Variants in PCDH11X observed in about 807,000 individuals in gnomAD.
The protein encoded by PCDH11X is protocadherin-11 X-linked.
A neutral mutation model predicts 53.3 loss-of-function variants in PCDH11X; 18 were observed. The ratio of observed to expected loss-of-function variants is 0.34; its 90% CI spans 0.23 to 0.50. The LOEUF (loss-of-function observed/expected upper bound fraction) is 0.50. Among genes scored for constraint, PCDH11X ranks in the 20% least tolerant of loss-of-function variants. The probability of loss-of-function intolerance (pLI) is 0.98; values close to 1 mark genes in which losing one functional copy is unlikely to be tolerated. For missense variants in PCDH11X, 570 were observed against 1,032.4 expected (o/e 0.55, Z 6.14); for synonymous variants, 279 against 393.3 (o/e 0.71, Z 3.44).
intron 6 of PCDH11X, among the ~76,000 whole-genome samples, chrX:91,907,403 A>ACACACC (rs1556332901): frequency 1.8e-4 from 13 of 71,719 alleles, no homozygotes; most frequent in South Asian, 8.5e-4. Flanking sequence ...ACACACACAC[A>ACACACC]CACACACACA....
At chrX:92,235,142 TAAAA>T (rs1386583766) in intron 7 of PCDH11X, among the ~76,000 whole-genome samples, 3 of 107,785 alleles carry the variant, frequency 2.8e-5, no homozygotes, top group East Asian at 3.0e-4. Context: ...ACGAATATGA[TAAAA>T]AAGAAAGAGA....
intron 6 of PCDH11X, among the ~76,000 whole-genome samples, chrX:92,102,138 G>A (rs930924475): frequency 3.6e-5 from 4 of 111,128 alleles, no homozygotes; most frequent in Non-Finnish European, 3.8e-5. Flanking sequence ...TTGAAGTCCC[G>A]GCCAGGAACA....
At chrX:92,307,463 A>G (rs1481077192) in intron 8 of PCDH11X, among the ~76,000 whole-genome samples, 1 of 102,047 alleles carries the variant, frequency 9.8e-6, no homozygotes, top group Non-Finnish European at 2.0e-5. Context: ...TCAACATAAT[A>G]AAAACTACAT....
intron 9 of PCDH11X, among the ~76,000 whole-genome samples, chrX:92,453,416 A>T (rs1012280723): frequency 1.8e-5 from 2 of 111,508 alleles, no homozygotes; most frequent in Non-Finnish European, 3.8e-5. Context: ...AACTACATTA[A>T]GTCTGTGAAG....
intron 9 of PCDH11X, among the ~76,000 whole-genome samples, chrX:92,441,622 A>T: frequency 9.0e-6 from 1 of 111,457 alleles, no homozygotes; most frequent in East Asian, 2.9e-4. Flanking sequence ...AGGTTTGGAA[A>T]CCTCTGCCTA....
At position 92,620,479 on chromosome X, in the gene PCDH11X, TG is replaced by T. The variant is rs1928400978; in HGVS notation, c.*1543del. 1 of 71,805 alleles carries T rather than the reference TG, an allele frequency of 1.4e-5. No individual in the cohort carries two copies. Among genetic ancestry groups the T allele is most frequent in the East Asian group, 4.7e-4 (1 of 2,112 alleles). 5.9% of individuals were successfully genotyped at this position (71,805 alleles called of 1,213,427 possible). A position where few individuals can be genotyped will look rare whatever the true frequency, so the allele number is the denominator to read the frequency against. On this transcript the variant is annotated 3_prime_UTR_variant, in exon 11 of 11. Coordinates refer to ENST00000682573, the MANE Select transcript of PCDH11X (RefSeq NM_032968.5). ...ACAATTGATGTTTAATGGGGGCGGT[TG>T]GGGTGGGGGGGGGAGTCAATATCTC...
intron 5 of PCDH11X, among the ~76,000 whole-genome samples, chrX:91,837,462 T>A (rs1937344982): frequency 9.0e-6 from 1 of 111,206 alleles, no homozygotes; most frequent in Non-Finnish European, 1.9e-5. Flanking sequence ...CCTTATCTGA[T>A]GAAATGGAAA....
chrX:92,262,034 C>A (rs185877658), intron 7 of PCDH11X, among the ~76,000 whole-genome samples: 172 of 110,904 alleles, frequency 1.6e-3, no homozygotes, highest in African/African-American at 5.3e-3. Context: ...TAGGTTTGTG[C>A]CTATATCTGA....
intron 6 of PCDH11X, among the ~76,000 whole-genome samples, chrX:92,145,150 A>G (rs113324697): frequency 0.039 from 4,324 of 110,974 alleles, 197 homozygotes; most frequent in African/African-American, 0.13. Flanking sequence ...GCTTGTATTT[A>G]ACTCAAGTAT....
chrX:92,307,174 A>C (rs1166672935), intron 8 of PCDH11X, among the ~76,000 whole-genome samples: 1 of 110,858 alleles, frequency 9.0e-6, no homozygotes, highest in Non-Finnish European at 1.9e-5. Flanking sequence ...AGAAAACTAC[A>C]GACCAATACT....
intron 10 of PCDH11X, among the ~76,000 whole-genome samples, chrX:92,589,723 A>T (rs1924818627): frequency 9.0e-6 from 1 of 111,450 alleles, no homozygotes; most frequent in Non-Finnish European, 1.9e-5. Flanking sequence ...GATCTGAGCT[A>T]ATCTACCCCC....
intron 8 of PCDH11X, among the ~76,000 whole-genome samples, chrX:92,273,214 T>G (rs1290165844): frequency 9.1e-6 from 1 of 109,361 alleles, no homozygotes; most frequent in Non-Finnish European, 1.9e-5. Context: ...GTGGGGCTGT[T>G]TTATAGGATT....
intron 6 of PCDH11X, among the ~76,000 whole-genome samples, chrX:92,014,082 C>T (rs1162115047): frequency 1.6e-4 from 18 of 111,413 alleles, no homozygotes; most frequent in Admixed American, 8.6e-4. Flanking sequence ...AAACTACCAT[C>T]AGAGTGAACA....
chrX:91,914,483 A>G (rs753287034), intron 6 of PCDH11X, among the ~76,000 whole-genome samples: 76 of 111,683 alleles, frequency 6.8e-4, no homozygotes, highest in Non-Finnish European at 4.1e-4. Context: ...GTGAAAACCA[A>G]CTTAAAGCAA....
chrX:92,244,995 C>T (rs1441362550), intron 7 of PCDH11X, among the ~76,000 whole-genome samples: 1 of 112,059 alleles, frequency 8.9e-6, no homozygotes, highest in Non-Finnish European at 1.9e-5. Context: ...CCAGAAAGAT[C>T]AGTGGAACCA....
At chrX:91,866,082 A>T (rs1938972589) in intron 5 of PCDH11X, among the ~76,000 whole-genome samples, 1 of 110,517 alleles carries the variant, frequency 9.0e-6, no homozygotes, top group Admixed American at 9.7e-5. Flanking sequence ...GACTCTATCC[A>T]GTGCCTTATC....
intron 6 of PCDH11X, among the ~76,000 whole-genome samples, chrX:92,120,155 C>CTTTTTTTTTTT (rs764997941): frequency 9.9e-5 from 6 of 60,689 alleles, no homozygotes; most frequent in Non-Finnish European, 1.3e-4. Context: ...ACTTTTCTTT[C>CTTTTTTTTTTT]TTTTTTTTTT....
intron 10 of PCDH11X, among the ~76,000 whole-genome samples, chrX:92,489,435 C>T (rs1317020499): frequency 2.7e-5 from 3 of 110,876 alleles, no homozygotes; most frequent in Admixed American, 9.7e-5. Flanking sequence ...GGCATATTTA[C>T]GCTTGCATAT....
chrX:92,280,521 C>CAAAT (rs200000470), intron 8 of PCDH11X, among the ~76,000 whole-genome samples: 3,090 of 104,280 alleles, frequency 0.03, 44 homozygotes, highest in Middle Eastern at 0.039. Flanking sequence ...GGCTCCATCT[C>CAAAT]AAATAAATAA....
Sources: allele counts gnomAD v4.1 joint callset (sites outside exome capture counted in the v4.1 genomes callset), GRCh38; gene constraint gnomAD v4.1.1; transcripts MANE v1.5; gene names NCBI Gene and HGNC (gene_info 2026-07-23, HGNC 2026-07-21).